The following RAF1 variants were observed in gnomAD, a reference collection of about 807,000 sequenced individuals.
The protein encoded by RAF1 is Raf-1 proto-oncogene, serine/threonine kinase.
In RAF1, 27 loss-of-function variants were observed where a neutral mutation model predicts 81.1. That is an observed-to-expected ratio of 0.33 (90% confidence interval 0.25 to 0.46). RAF1 has a LOEUF of 0.46. Ranked by LOEUF, RAF1 falls within the 20% of genes least tolerant of loss-of-function variation. The pLI is 1.00. For synonymous variants in RAF1, 298 were observed against 294.0 expected, an observed-to-expected ratio of 1.01 and a Z score of -0.14; for missense variants, 598 against 826.0, an observed-to-expected ratio of 0.72 and a Z score of 3.38.
chr3:12,615,976 T>TG (rs1308741985), intron 2 of RAF1, among the ~76,000 whole-genome samples: 1 of 151,980 alleles, frequency 6.6e-6, no homozygotes, highest in Non-Finnish European at 1.5e-5. Context: ...CGCTTGAACC[T>TG]GGGAGGTAGA....
chr3:12,615,981 G>T (rs1389296767), intron 2 of RAF1, among the ~76,000 whole-genome samples: 2 of 152,042 alleles, frequency 1.3e-5, no homozygotes, highest in Non-Finnish European at 1.5e-5. Context: ...GAACCTGGGA[G>T]GTAGAGGTTG....
intron 13 of RAF1, 46 bp downstream of exon 12, chr3:12,590,752 A>G (rs1479910921): frequency 8.9e-6 from 14 of 1,568,518 alleles, no homozygotes; most frequent in Non-Finnish European, 1.2e-5. Context: ...ATTTAGGGAC[A>G]AATTTGATGC....
chr3:12,606,089 T>C, intron 6 of RAF1, 112 bp downstream of exon 6: 1 of 763,764 alleles, frequency 1.3e-6, no homozygotes. Flanking sequence ...CAGCAAGGGG[T>C]TTCCACGTAG....
At chr3:12,628,234 G>C (rs2059763293) in intron 1 of RAF1, among the ~76,000 whole-genome samples, 3 of 152,362 alleles carry the variant, frequency 2.0e-5, no homozygotes, top group South Asian at 4.1e-4. Context: ...ACCGAGGTAC[G>C]AAGATCACTT....
chr3:12,657,672 G>A (rs1215842524), intron 1 of RAF1, among the ~76,000 whole-genome samples: 2 of 151,984 alleles, frequency 1.3e-5, no homozygotes, highest in African/African-American at 4.8e-5. Context: ...TCAGGAGGCT[G>A]AGGCAGGAGA....
intron 1 of RAF1, among the ~76,000 whole-genome samples, chr3:12,660,691 T>C (rs1209572790): frequency 6.6e-6 from 1 of 152,054 alleles, no homozygotes; most frequent in South Asian, 2.1e-4. Context: ...AAACACCACA[T>C]ATCAGCCAGG....
intron 1 of RAF1, among the ~76,000 whole-genome samples, chr3:12,648,835 C>A (rs575806207): frequency 7.4e-4 from 112 of 152,204 alleles, no homozygotes; most frequent in Non-Finnish European, 1.2e-3. Flanking sequence ...TTCCCATCGG[C>A]CGGATGCGGT....
At chr3:12,644,459 A>G (rs570620821) in intron 1 of RAF1, among the ~76,000 whole-genome samples, 2 of 152,334 alleles carry the variant, frequency 1.3e-5, no homozygotes, top group Non-Finnish European at 2.9e-5. Flanking sequence ...CACAATTCTG[A>G]CTAATGCAGC....
In RAF1 at chr3:12,583,698, C is replaced by T. The variant is rs922270477; in HGVS notation, c.*816G>A. Reference sequence around the variant, plus strand: ...GTGCAATAAAAACAAAATTAAAACCCAAATCATCAAGAAAACCTGTATTCC... The same window carrying T: ...GTGCAATAAAAACAAAATTAAAACCTAAATCATCAAGAAAACCTGTATTCC... On this transcript the variant is annotated 3_prime_UTR_variant, in exon 18 of 18. Coordinates refer to ENST00000442415, the MANE Select transcript of RAF1 (RefSeq NM_001354689.3). 1 of 233,340 alleles carries T rather than the reference C, an allele frequency of 4.3e-6. No individual in the cohort carries two copies. The highest frequency in any genetic ancestry group is 2.2e-5 in the African/African-American group (1 of 45,334). The allele number at this position is 233,340 out of a possible 1,614,324, so 14.5% of individuals were successfully genotyped here.
chr3:12,614,791 C>T (rs2059323208), intron 2 of RAF1, among the ~76,000 whole-genome samples: 1 of 152,150 alleles, frequency 6.6e-6, no homozygotes. Flanking sequence ...GTGATACCCA[C>T]CAACTTCCAG....
chr3:12,658,126 C>T (rs996851500), intron 1 of RAF1, among the ~76,000 whole-genome samples: 2 of 152,146 alleles, frequency 1.3e-5, no homozygotes, highest in South Asian at 4.1e-4. Flanking sequence ...CTTCCATATC[C>T]ACTTGGAATA....
At chr3:12,585,288 T>C (rs2125323533) in intron 15 of RAF1, 35 bp from the exon 15 acceptor site, 1 of 1,612,924 alleles carries the variant, frequency 6.2e-7, no homozygotes, top group South Asian at 1.1e-5. Flanking sequence ...AGTGCATTTA[T>C]CACCATATGA....
At chr3:12,619,557 C>A (rs1002187741) in intron 1 of RAF1, among the ~76,000 whole-genome samples, 2 of 147,980 alleles carry the variant, frequency 1.4e-5, no homozygotes, top group Non-Finnish European at 3.0e-5. Flanking sequence ...AAGAGCGAGA[C>A]TCCATCTCCC....
At position 12,584,850 on chromosome 3, in the gene RAF1, G is replaced by A. The variant is rs1559398770; in HGVS notation, c.1860C>T (p.Pro620=). The A allele has an allele frequency of 3.1e-6, 5 of 1,613,868 alleles. No individual in the cohort carries two copies. The highest frequency in any genetic ancestry group is 4.2e-6 in the Non-Finnish European group (5 of 1,179,958). ...TTCTAGCAGCCCTGAGCCTTACCTG[G>A]GGAAAAAGAGGCCTCTCTTCCTTTA... The change falls in exon 17 of 18, where the codon CCC becomes CCT. Residue 620 remains proline, a synonymous_variant. Transcript: ENST00000442415.
In RAF1 at chr3:12,591,781, C is replaced by A; in HGVS notation, c.1180G>T (p.Val394Leu). 6.2e-7 allele frequency: 1 copy of A among 1,613,910 alleles called. No homozygotes were observed. Among genetic ancestry groups the A allele is most frequent in the South Asian group, 1.1e-5 (1 of 91,084 alleles). Residue 394 changes from valine to leucine, a missense_variant, in exon 12 of 18, where the codon GTA (valine) becomes TTA (leucine). Val to Leu is a conservative substitution (Grantham distance 32). Coordinates refer to ENST00000442415, the MANE Select transcript of RAF1 (RefSeq NM_001354689.3). Reference sequence around the variant, plus strand: ...GGGTCGACAACCTTTAGGATCTTTACTGCAACATCTCCTGCAAAATTAGTT... The same window carrying A: ...GGGTCGACAACCTTTAGGATCTTTAATGCAACATCTCCTGCAAAATTAGTT...
intron 1 of RAF1, among the ~76,000 whole-genome samples, chr3:12,646,599 G>A (rs189207726): frequency 7.3e-5 from 11 of 150,378 alleles, no homozygotes; most frequent in Admixed American, 6.7e-4. Flanking sequence ...TTGCCAGGCC[G>A]GAGTGCAATG....
intron 10 of RAF1, 122 bp from the exon 10 acceptor site, chr3:12,599,930 C>A: frequency 1.7e-6 from 2 of 1,184,410 alleles, no homozygotes; most frequent in Non-Finnish European, 2.5e-6. Context: ...AACATATTAA[C>A]CATACTTCCA....
chr3:12,586,208 T>C (rs985699051), intron 14 of RAF1, among the ~76,000 whole-genome samples: 4 of 152,248 alleles, frequency 2.6e-5, no homozygotes, highest in African/African-American at 9.6e-5. Flanking sequence ...CAGTCGTTTC[T>C]GCCTGTATTC....
rs765763468 is a variant in RAF1, at chr3:12,597,481, CAG to C, written c.1168+2208_1168+2209del. Among the ~76,000 whole-genome samples, 82 of 152,346 alleles carry C rather than the reference CAG, an allele frequency of 5.4e-4. 3 individuals are homozygous for C. The highest frequency in any genetic ancestry group is 1.7e-3 in the African/African-American group (69 of 41,588). On this transcript the variant is annotated intron_variant, in intron 11 of 17. Transcript: ENST00000442415. ...TGATATAAAAATGTTCTAATGCTAA[CAG>C]AAGCAATAAATGCAATATCCATTGC...
Sources: gnomAD v4.1 joint callset for allele counts (sites outside exome capture counted in the v4.1 genomes callset) on GRCh38, gnomAD v4.1.1 for gene constraint, MANE v1.5 for transcripts, NCBI Gene and HGNC (gene_info 2026-07-23, HGNC 2026-07-21) for gene names.